The following RBFOX1 variants were observed in gnomAD, a reference collection of about 807,000 sequenced individuals.
RBFOX1 encodes RNA binding fox-1 homolog 1, also known as RNA binding protein fox-1 homolog 1.
In RBFOX1, 8 loss-of-function variants were observed where a neutral mutation model predicts 57.7. The observed-to-expected ratio is 0.14, with a 90% confidence interval of 0.08 to 0.25. RBFOX1 has a LOEUF of 0.25. Among genes scored for constraint, RBFOX1 ranks in the 10% least tolerant of loss-of-function variants. RBFOX1 has a pLI of 1.00. For synonymous variants in RBFOX1, 326 were observed against 222.4 expected (o/e 1.47, Z -4.15); for missense variants, 611 against 548.5 (o/e 1.11, Z -1.14).
chr16:5,301,018 C>A (rs1019316959), intron 1 of RBFOX1, among the ~76,000 whole-genome samples: 5 of 152,168 alleles, frequency 3.3e-5, no homozygotes, highest in East Asian at 1.9e-4. Context: ...GTAGCCTCTG[C>A]CTCTTGATAT....
intron 1 of RBFOX1, among the ~76,000 whole-genome samples, chr16:6,168,275 G>T (rs2096932543): frequency 6.6e-6 from 1 of 152,154 alleles, no homozygotes; most frequent in African/African-American, 2.4e-5. Context: ...TGGTGCGGAG[G>T]GTTTCAGGCC....
chr16:5,373,254 T>A (rs1195860841), intron 1 of RBFOX1, among the ~76,000 whole-genome samples: 3 of 152,114 alleles, frequency 2.0e-5, no homozygotes. Context: ...TGGACCCCAA[T>A]TTTAGAGAGA....
intron 3 of RBFOX1, among the ~76,000 whole-genome samples, chr16:6,821,467 G>T (rs2091289702): frequency 6.6e-6 from 1 of 152,246 alleles, no homozygotes; most frequent in African/African-American, 2.4e-5. Flanking sequence ...CATTAATGTT[G>T]TGCAACTACC....
At chr16:7,602,882 A>T (rs1010831829) in intron 9 of RBFOX1, among the ~76,000 whole-genome samples, 1 of 152,252 alleles carries the variant, frequency 6.6e-6, no homozygotes, top group African/African-American at 2.4e-5. Context: ...AACTATATCA[A>T]GTATTTTCTT....
At chr16:6,207,462 G>C (rs963589259) in intron 1 of RBFOX1, among the ~76,000 whole-genome samples, 2 of 152,146 alleles carry the variant, frequency 1.3e-5, no homozygotes, top group African/African-American at 4.8e-5. Context: ...TGAAAATCAA[G>C]GTGGTTTTTG....
chr16:7,573,964 C>G (rs896302497), intron 5 of RBFOX1, among the ~76,000 whole-genome samples: 1 of 152,104 alleles, frequency 6.6e-6, no homozygotes, highest in Non-Finnish European at 1.5e-5. Flanking sequence ...AATGTGCATT[C>G]TAGATGGTTT....
chr16:6,276,498 C>G (rs1320662429), intron 1 of RBFOX1, among the ~76,000 whole-genome samples: 1 of 152,048 alleles, frequency 6.6e-6, no homozygotes, highest in African/African-American at 2.4e-5. Context: ...GCCACCATGC[C>G]CAGCGAATAT....
rs1220781800 is a variant in RBFOX1, at chr16:5,766,262, G to C, written c.319-101041G>C. On this transcript the variant is annotated intron_variant, in intron 3 of 19. Transcript: ENST00000641259. ...TCTCACATGGCCACAGGAGGAGCAAGAGAGAGAGGAGGAGGTATCATGCAC... is the reference window on the plus strand; with the variant it reads ...TCTCACATGGCCACAGGAGGAGCAACAGAGAGAGGAGGAGGTATCATGCAC... Among the ~76,000 whole-genome samples the C allele has an allele frequency of 5.9e-5, 9 of 152,282 alleles. No individual in the cohort carries two copies. The South Asian group carries it at 6.2e-4, about 11-fold the overall frequency.
At chr16:5,445,453 G>T (rs2068212975) in intron 1 of RBFOX1, among the ~76,000 whole-genome samples, 1 of 152,136 alleles carries the variant, frequency 6.6e-6, no homozygotes, top group African/African-American at 2.4e-5. Flanking sequence ...CCATTATAGT[G>T]TGCAATATAT....
chr16:6,875,528 C>T (rs1262970050), intron 3 of RBFOX1, among the ~76,000 whole-genome samples: 1 of 152,082 alleles, frequency 6.6e-6, no homozygotes, highest in Non-Finnish European at 1.5e-5. Flanking sequence ...CTGGCAAAGA[C>T]TATGAATTAT....
chr16:7,170,545 C>G (rs2080481662), intron 4 of RBFOX1, among the ~76,000 whole-genome samples: 1 of 152,144 alleles, frequency 6.6e-6, no homozygotes. Flanking sequence ...TGCGAGCCAC[C>G]ACTTCTGGCT....
At chr16:7,041,759 C>A (rs1300769519) in intron 3 of RBFOX1, among the ~76,000 whole-genome samples, 3 of 152,192 alleles carry the variant, frequency 2.0e-5, no homozygotes, top group Non-Finnish European at 2.9e-5. Flanking sequence ...GGACCCAAGT[C>A]ATTTGACCCA....
chr16:5,269,468 CAA>C (rs1490724652), intron 1 of RBFOX1, among the ~76,000 whole-genome samples: 3 of 152,196 alleles, frequency 2.0e-5, no homozygotes, highest in Non-Finnish European at 4.4e-5. Flanking sequence ...GGAGTTAATC[CAA>C]ATGCCCATCA....
intron 3 of RBFOX1, among the ~76,000 whole-genome samples, chr16:6,822,649 A>G (rs1180249625): frequency 6.6e-6 from 1 of 152,186 alleles, no homozygotes; most frequent in East Asian, 1.9e-4. Flanking sequence ...GAGGTTAGAC[A>G]ACCCCATGCT....
chr16:7,414,792 A>G (rs1597852574), intron 4 of RBFOX1, among the ~76,000 whole-genome samples: 1 of 152,086 alleles, frequency 6.6e-6, no homozygotes, highest in Admixed American at 6.5e-5. Context: ...CAATTTTTGT[A>G]TGTTTAGTAG....
intron 3 of RBFOX1, among the ~76,000 whole-genome samples, chr16:6,924,983 C>G (rs1320595152): frequency 6.6e-6 from 1 of 151,524 alleles, no homozygotes. Context: ...TGATGGTTTC[C>G]AGTTTCATCC....
chr16:6,839,200 T>A (rs1480523457), intron 3 of RBFOX1, among the ~76,000 whole-genome samples: 2 of 151,650 alleles, frequency 1.3e-5, no homozygotes, highest in Admixed American at 6.6e-5. Context: ...GGCCAGGCTG[T>A]TCTCGAATTC....
chr16:6,667,730 A>C (rs1214343573), intron 3 of RBFOX1, among the ~76,000 whole-genome samples: 1 of 152,078 alleles, frequency 6.6e-6, no homozygotes, highest in East Asian at 1.9e-4. Flanking sequence ...GAAGAAAAAA[A>C]TATAGCCACA....
intron 4 of RBFOX1, among the ~76,000 whole-genome samples, chr16:7,429,454 C>T (rs2098657180): frequency 6.6e-6 from 1 of 152,232 alleles, no homozygotes; most frequent in Admixed American, 6.5e-5. Context: ...TTCTCTCTGC[C>T]AGCACACTGT....
Sources: allele counts gnomAD v4.1 joint callset (sites outside exome capture counted in the v4.1 genomes callset), GRCh38; gene constraint gnomAD v4.1.1; transcripts MANE v1.5; gene names NCBI Gene and HGNC (gene_info 2026-07-23, HGNC 2026-07-21).